The following WWOX variants were observed in gnomAD, a reference collection of about 807,000 sequenced individuals.
WWOX encodes WW domain-containing oxidoreductase.
Under a neutral mutation model 46.2 loss-of-function variants are expected in WWOX, and 69 were observed. The ratio of observed to expected loss-of-function variants is 1.49; its 90% CI spans 1.23 to 1.82. The LOEUF (loss-of-function observed/expected upper bound fraction) is 1.82. Among genes scored for constraint, WWOX ranks in the 40% most tolerant of loss-of-function variants. The pLI, the probability that WWOX is intolerant of heterozygous loss-of-function variation, is 0.00. For missense variants in WWOX, 919 were observed against 542.6 expected, an observed-to-expected ratio of 1.69 and a Z score of -6.89; for synonymous variants, 359 against 202.6, an observed-to-expected ratio of 1.77 and a Z score of -6.56.
intron 8 of WWOX, chr16:78,825,686 G>A (rs533005708): frequency 5.5e-5 from 30 of 541,908 alleles, no homozygotes; most frequent in Middle Eastern, 5.9e-4. Context: ...GCCAAGCTGT[G>A]GTTTCTGGGA....
chr16:79,035,472 G>A (rs142937770), intron 8 of WWOX, among the ~76,000 whole-genome samples: 25 of 152,248 alleles, frequency 1.6e-4, no homozygotes, highest in African/African-American at 5.5e-4. Flanking sequence ...GTGTACTCCG[G>A]CTGCTCCTTT....
chr16:78,393,111 A>C (rs1035143742), intron 6 of WWOX, among the ~76,000 whole-genome samples: 1 of 152,172 alleles, frequency 6.6e-6, no homozygotes, highest in Admixed American at 6.5e-5. Flanking sequence ...GAGAGGAGCC[A>C]GACTTCCTAC....
At chr16:78,933,855 A>T (rs114372555) in intron 8 of WWOX, among the ~76,000 whole-genome samples, 2 of 152,060 alleles carry the variant, frequency 1.3e-5, no homozygotes, top group African/African-American at 4.8e-5. Context: ...ACAAGTTGCA[A>T]TTCAACATGA....
At chr16:78,248,957 G>A (rs1215977004) in intron 5 of WWOX, among the ~76,000 whole-genome samples, 2 of 148,452 alleles carry the variant, frequency 1.3e-5, no homozygotes, top group African/African-American at 2.5e-5. Context: ...CCTGGGCTCA[G>A]GTGATTCTCC....
chr16:78,396,042 T>A (rs1039758188), intron 6 of WWOX, among the ~76,000 whole-genome samples: 1 of 152,200 alleles, frequency 6.6e-6, no homozygotes, highest in African/African-American at 2.4e-5. Flanking sequence ...ACCTGCTTTC[T>A]TTCTCACCTC....
intron 8 of WWOX, among the ~76,000 whole-genome samples, chr16:78,580,351 G>A (rs780254588): frequency 3.9e-5 from 6 of 152,084 alleles, no homozygotes; most frequent in African/African-American, 7.2e-5. Context: ...TGGAATATCC[G>A]GTGTGAGCCA....
intron 6 of WWOX, among the ~76,000 whole-genome samples, chr16:78,417,681 C>G (rs550728105): frequency 1.3e-5 from 2 of 152,280 alleles, no homozygotes; most frequent in African/African-American, 4.8e-5. Context: ...ATTATCCCTG[C>G]TACAAATTAG....
At chr16:78,612,719 C>T (rs577356745) in intron 8 of WWOX, among the ~76,000 whole-genome samples, 1 of 152,264 alleles carries the variant, frequency 6.6e-6, no homozygotes, top group East Asian at 1.9e-4. Context: ...TCAAGCCATC[C>T]TCCAGCCTCA....
intron 8 of WWOX, among the ~76,000 whole-genome samples, chr16:78,537,518 C>G (rs1471741203): frequency 6.6e-6 from 1 of 152,118 alleles, no homozygotes; most frequent in Non-Finnish European, 1.5e-5. Flanking sequence ...ATATGATTTA[C>G]CTCTTCTCTT....
chr16:78,288,124 C>T (rs564413597), intron 5 of WWOX, among the ~76,000 whole-genome samples: 7 of 152,130 alleles, frequency 4.6e-5, no homozygotes, highest in South Asian at 4.2e-4. Flanking sequence ...CAAGACACTT[C>T]GTGTGGTCAC....
intron 8 of WWOX, chr16:78,890,989 T>C (rs988762799): frequency 9.9e-5 from 15 of 152,150 alleles, no homozygotes; most frequent in African/African-American, 2.2e-4. Flanking sequence ...GTGGGCCTCA[T>C]TCTGACAAAT....
chr16:78,928,714 C>G (rs1355100117), intron 8 of WWOX, among the ~76,000 whole-genome samples: 1 of 152,100 alleles, frequency 6.6e-6, no homozygotes, highest in Non-Finnish European at 1.5e-5. Flanking sequence ...ATTTGGCTCT[C>G]TTTCATCAAC....
At chr16:78,203,591 C>G (rs1164376922) in intron 5 of WWOX, among the ~76,000 whole-genome samples, 1 of 152,114 alleles carries the variant, frequency 6.6e-6, no homozygotes, top group African/African-American at 2.4e-5. Flanking sequence ...AAGACCGTAT[C>G]TCCGTCTGCA....
chr16:78,889,769 C>T (rs1023486823), intron 8 of WWOX, among the ~76,000 whole-genome samples: 1 of 152,114 alleles, frequency 6.6e-6, no homozygotes, highest in South Asian at 2.1e-4. Flanking sequence ...TTGTTTTGTT[C>T]CGCCTCGATC....
intron 8 of WWOX, among the ~76,000 whole-genome samples, chr16:79,056,880 A>G (rs1389995025): frequency 6.6e-6 from 1 of 152,256 alleles, no homozygotes; most frequent in Admixed American, 6.5e-5. Context: ...CCTTTCAGGC[A>G]GGCTGGGCAC....
chr16:79,130,434 G>GGTA (rs1442222505), intron 8 of WWOX, among the ~76,000 whole-genome samples: 1 of 152,184 alleles, frequency 6.6e-6, no homozygotes, highest in Non-Finnish European at 1.5e-5. Context: ...TCATGAGGAG[G>GGTA]GTAGGGTCAG....
intron 8 of WWOX, among the ~76,000 whole-genome samples, chr16:78,474,884 G>C (rs2084318681): frequency 6.6e-6 from 1 of 152,142 alleles, no homozygotes; most frequent in African/African-American, 2.4e-5. Context: ...ATGTTTTCAA[G>C]ATACTGCACC....
intron 8 of WWOX, among the ~76,000 whole-genome samples, chr16:78,561,835 G>C (rs1371134262): frequency 2.0e-5 from 3 of 152,146 alleles, no homozygotes; most frequent in African/African-American, 7.2e-5. Context: ...AGGATCTTCA[G>C]TTACCAGCAG....
At chr16:79,051,119 C>G (rs991203938) in intron 8 of WWOX, among the ~76,000 whole-genome samples, 2 of 152,208 alleles carry the variant, frequency 1.3e-5, no homozygotes, top group African/African-American at 4.8e-5. Flanking sequence ...TGCAGCCCTA[C>G]TCCTCGGGTT....
Sources: allele counts gnomAD v4.1 joint callset (sites outside exome capture counted in the v4.1 genomes callset), GRCh38; gene constraint gnomAD v4.1.1; transcripts MANE v1.5; gene names NCBI Gene and HGNC (gene_info 2026-07-23, HGNC 2026-07-21).